ACRBP: variants seen among roughly 807,000 people sequenced by gnomAD.
ACRBP encodes acrosin binding protein.
Under a neutral mutation model 69.0 loss-of-function variants are expected in ACRBP, and 52 were observed. That is an observed-to-expected ratio of 0.75 (90% CI 0.60 to 0.95). The LOEUF (loss-of-function observed/expected upper bound fraction) is 0.95. ACRBP is among the 40% of genes least tolerant of loss of function. ACRBP has a pLI of 0.00. For synonymous variants in ACRBP, 267 were observed against 258.9 expected (o/e 1.03, Z -0.30); for missense variants, 604 against 673.0 (o/e 0.90, Z 1.13).
At chr12:6,646,768 G>T (rs1034642815) in intron 2 of ACRBP, 26 bp downstream of exon 2, 1 of 1,612,230 alleles carries the variant, frequency 6.2e-7, no homozygotes. Context: ...TGGGTGCCTC[G>T]GTTTCCCCCC....
intron 5 of ACRBP, 124 bp from the exon 6 acceptor site, chr12:6,643,795 G>C (rs1949069650): frequency 2.3e-6 from 3 of 1,310,864 alleles, no homozygotes; most frequent in Admixed American, 4.7e-5. Context: ...CTTAGCATGG[G>C]GCCTTAGAGG....
At chr12:6,639,207 G>A (rs886108366) in intron 8 of ACRBP, among the ~76,000 whole-genome samples, 170 bp from the exon 9 acceptor site, 3 of 152,208 alleles carry the variant, frequency 2.0e-5, no homozygotes, top group African/African-American at 7.2e-5. Flanking sequence ...TTCCCCTGCC[G>A]CTCTGTCACA....
At position 6,646,790 on chromosome 12, in the gene ACRBP, T is replaced by C; in HGVS notation, c.262+4A>G. On this transcript the variant is annotated splice_donor_region_variant and intron_variant, in intron 2 of 9. Coordinates refer to ENST00000229243, the MANE Select transcript of ACRBP (RefSeq NM_032489.3). ...CTCGGTTTCCCCCCTAGTCTGGCCC[T>C]CACCATCGGGCACTAAGCCGTGGTT... 4 of 1,613,776 alleles carry C rather than the reference T, an allele frequency of 2.5e-6. No individual in the cohort carries two copies. The highest frequency in any genetic ancestry group is 8.5e-7 in the Non-Finnish European group (1 of 1,180,012).
intron 1 of ACRBP, 22 bp from the exon 2 acceptor site, chr12:6,647,034 G>A (rs769323478): frequency 6.2e-7 from 1 of 1,601,356 alleles, no homozygotes; most frequent in Admixed American, 1.7e-5. Context: ...GCGAACGGAT[G>A]ATGGAAGGAC....
At chr12:6,646,701 C>T in intron 2 of ACRBP, 93 bp downstream of exon 2, 1 of 1,539,010 alleles carries the variant, frequency 6.5e-7, no homozygotes, top group South Asian at 1.1e-5. Context: ...CCAGCCATGC[C>T]CTTCCCCGCC....
intron 9 of ACRBP, 109 bp from the exon 10 acceptor site, chr12:6,638,513 G>T: frequency 1.4e-6 from 2 of 1,469,106 alleles, no homozygotes; most frequent in Non-Finnish European, 1.9e-6. Flanking sequence ...GCAGGCATGG[G>T]CACAGGGCAG....
rs1385206634 is a variant in ACRBP, at chr12:6,638,170, GAGT to G, written c.*109_*111del. On this transcript the variant is annotated 3_prime_UTR_variant, in exon 10 of 10. Transcript: ENST00000229243. ...CTGTTGCTCCAACCCAAGGAAATGT[GAGT>G]AGGGGCCGAGTAACAGACCCAGAAG... 3.2e-5 allele frequency: 47 copies of G among 1,470,846 alleles called. No homozygotes were observed. The highest frequency in any genetic ancestry group is 2.4e-4 in the Middle Eastern group (1 of 4,112). 91.1% of individuals were successfully genotyped at this position (1,470,846 alleles called of 1,614,324 possible). A position where few individuals can be genotyped will look rare whatever the true frequency, so the allele number is the denominator to read the frequency against.
At chr12:6,646,350 G>A (rs1949088786) in intron 3 of ACRBP, 133 bp downstream of exon 3, 2 of 764,958 alleles carry the variant, frequency 2.6e-6, no homozygotes, top group Non-Finnish European at 4.6e-6. Flanking sequence ...TATAATCTGG[G>A]TAAATGACTG....
chr12:6,638,445 C>T, intron 9 of ACRBP, 41 bp from the exon 10 acceptor site: 5 of 1,612,700 alleles, frequency 3.1e-6, no homozygotes, highest in Non-Finnish European at 4.2e-6. Context: ...ATCACAGAGC[C>T]AGGTGCCAGG....
chr12:6,644,058 G>GC, intron 5 of ACRBP, 79 bp downstream of exon 5: 1 of 1,517,920 alleles, frequency 6.6e-7, no homozygotes, highest in Non-Finnish European at 8.8e-7. Context: ...GGAGGCTGAA[G>GC]CTAGGAAAAT....
rs1225300655 is a variant in ACRBP at position 6,640,070 on chromosome 12, A to G, written c.1415T>C (p.Phe472Ser). The G allele has an allele frequency of 1.2e-6, 2 of 1,614,152 alleles. No homozygotes were observed. Among genetic ancestry groups the G allele is most frequent in the Admixed American group, 3.3e-5 (2 of 60,012 alleles). Residue 472 changes from phenylalanine (F) to serine (S), a missense_variant, in exon 8 of 10, where the codon TTC becomes TCC. This residue lies in a region of ACRBP where 21 missense variants were observed against 50.0 expected (regional missense o/e 0.42). Coordinates refer to ENST00000229243, the MANE Select transcript of ACRBP (RefSeq NM_032489.3). This position sits in a 1 kb window ranked among gnomAD's most constrained non-coding sequence, Gnocchi z 5.3. ...TEFLSFQDGDFPTKICDTDYI... is the reference protein window; with the variant it reads ...TEFLSFQDGDSPTKICDTDYI... ...GGGAAAGGTTCTAACCTTGGTAGGG[A>G]AATCCCCATCCTGGAAGCTAAGGAA...
At chr12:6,647,184 A>G in intron 1 of ACRBP, 140 bp downstream of exon 1, 2 of 1,145,816 alleles carry the variant, frequency 1.7e-6, no homozygotes, top group South Asian at 2.7e-5. Flanking sequence ...GCGGGGGGAG[A>G]TGGGAGTATC....
chr12:6,646,411 C>T (rs1949089279), intron 3 of ACRBP, 72 bp downstream of exon 3: 1 of 1,420,820 alleles, frequency 7.0e-7, no homozygotes, highest in Non-Finnish European at 1.0e-6. Context: ...GGAACCCTTC[C>T]TCAACTCCCC....
chr12:6,644,917 T>C (rs766794939), intron 4 of ACRBP, among the ~76,000 whole-genome samples: 6 of 152,148 alleles, frequency 3.9e-5, no homozygotes, highest in Non-Finnish European at 7.3e-5. Context: ...AGTCAATCCT[T>C]TCTAAAGTGA....
intron 8 of ACRBP, 95 bp downstream of exon 8, chr12:6,639,965 G>A: frequency 6.9e-7 from 1 of 1,454,592 alleles, no homozygotes; most frequent in Non-Finnish European, 9.3e-7. Flanking sequence ...AGGGGCCCAA[G>A]CCCCCTTCCA....
At position 6,644,119 on chromosome 12, in the gene ACRBP, A is replaced by G. The variant is rs951200138; in HGVS notation, c.944+18T>C. The G allele has an allele frequency of 1.3e-6, 2 of 1,549,790 alleles. No individual in the cohort carries two copies. On this transcript the variant is annotated intron_variant, in intron 5 of 9. Transcript: ENST00000229243. ...GAAGGGAGGGCAGGGTGGATGACAG[A>G]GTCAAAACTTCCTATACCTGCCAGG...
At position 6,646,537 on chromosome 12, in the gene ACRBP, C is replaced by T. The variant is rs774272288; in HGVS notation, c.303G>A (p.Glu101=). 1.2e-6 allele frequency: 2 copies of T among 1,614,048 alleles called. No homozygotes were observed. Among genetic ancestry groups the T allele is most frequent in the Non-Finnish European group, 1.7e-6 (2 of 1,180,024 alleles). ...CSNLPYASWF[E]SFCQFTHYRC... ...GGTAGTGAGTGAACTGGCAGAAAGA[C>T]TCAAACCAGGAGGCATAAGGGAGGT... Residue 101 remains glutamate (E), a synonymous_variant, in exon 3 of 10, where the codon GAG becomes GAA. Transcript: ENST00000229243.
chr12:6,641,319 C>T (rs922632550), intron 6 of ACRBP, among the ~76,000 whole-genome samples: 2 of 152,216 alleles, frequency 1.3e-5, no homozygotes, highest in Non-Finnish European at 2.9e-5. Flanking sequence ...CTTCCTCCCC[C>T]ATGGGCACAG....
At chr12:6,642,019 C>A (rs2136249824) in intron 6 of ACRBP, among the ~76,000 whole-genome samples, 1 of 152,316 alleles carries the variant, frequency 6.6e-6, no homozygotes, top group African/African-American at 2.4e-5. Flanking sequence ...TCAGTTTAAA[C>A]ATCAGTTCTT....
Sources: allele counts gnomAD v4.1 joint callset (sites outside exome capture counted in the v4.1 genomes callset), GRCh38; gene constraint gnomAD v4.1.1; regional missense constraint gnomAD v4.1.1; non-coding constraint Gnocchi (gnomAD v3.1); transcripts MANE v1.5; gene names NCBI Gene and HGNC (gene_info 2026-07-23, HGNC 2026-07-21).